Variants in NRXN3 observed in about 807,000 individuals in gnomAD.
NRXN3 encodes the protein neurexin III.
In NRXN3, 32 loss-of-function variants were observed where a neutral mutation model predicts 137.6. That is an observed-to-expected ratio of 0.23 (90% CI 0.18 to 0.31). The LOEUF (loss-of-function observed/expected upper bound fraction) is 0.31, where lower values mean the gene tolerates loss of function less well. Among genes scored for constraint, NRXN3 ranks in the 10% least tolerant of loss-of-function variants. NRXN3 has a pLI of 1.00. For synonymous variants in NRXN3, 798 were observed against 784.5 expected, an observed-to-expected ratio of 1.02 and a Z score of -0.29; for missense variants, 1,574 against 2,062.5, an observed-to-expected ratio of 0.76 and a Z score of 4.59.
intron 15 of NRXN3, among the ~76,000 whole-genome samples, chr14:79,330,737 C>T (rs2091555258): frequency 6.6e-6 from 1 of 152,162 alleles, no homozygotes; most frequent in Non-Finnish European, 1.5e-5. Flanking sequence ...GGCTCTAATA[C>T]CCTAATCACT....
intron 4 of NRXN3, among the ~76,000 whole-genome samples, chr14:78,392,132 T>C (rs541634585): frequency 5.9e-5 from 9 of 152,316 alleles, no homozygotes; most frequent in Admixed American, 1.3e-4. Context: ...AAATGCGGTT[T>C]GATAATAATC....
intron 15 of NRXN3, among the ~76,000 whole-genome samples, chr14:79,182,543 G>T (rs1425322267): frequency 6.6e-6 from 1 of 152,102 alleles, no homozygotes. Flanking sequence ...CCACTGATCT[G>T]ACAGGAGGCA....
At chr14:78,985,668 A>C (rs2099501490) in intron 14 of NRXN3, among the ~76,000 whole-genome samples, 1 of 152,246 alleles carries the variant, frequency 6.6e-6, no homozygotes, top group African/African-American at 2.4e-5. Flanking sequence ...TGCCTTTTAC[A>C]GTAAAACTTT....
intron 15 of NRXN3, among the ~76,000 whole-genome samples, chr14:79,234,769 T>C (rs2073082888): frequency 6.6e-6 from 1 of 152,084 alleles, no homozygotes; most frequent in Non-Finnish European, 1.5e-5. Context: ...CATCTTTTAA[T>C]ATTTTATTTA....
chr14:79,562,076 T>C (rs2097502987), intron 16 of NRXN3, among the ~76,000 whole-genome samples: 1 of 152,166 alleles, frequency 6.6e-6, no homozygotes, highest in South Asian at 2.1e-4. Flanking sequence ...GTCTGAAACA[T>C]ATATAAGTAT....
intron 15 of NRXN3, among the ~76,000 whole-genome samples, chr14:79,112,439 G>C (rs1596080033): frequency 6.6e-6 from 1 of 152,202 alleles, no homozygotes; most frequent in African/African-American, 2.4e-5. Flanking sequence ...CAAACAAATA[G>C]ACCCTTGTCT....
At chr14:79,845,038 T>C (rs1428420637) in intron 20 of NRXN3, among the ~76,000 whole-genome samples, 3 of 152,216 alleles carry the variant, frequency 2.0e-5, no homozygotes, top group East Asian at 1.9e-4. Context: ...TTTTATATTA[T>C]GAAGATGGCT....
chr14:78,174,132 A>AT lies in NRXN3; in HGVS notation c.-704+3466dup, dbSNP rs199958074. On this transcript the variant is annotated intron_variant, in intron 1 of 20. Coordinates refer to ENST00000335750, the MANE Select transcript of NRXN3 (RefSeq NM_001330195.2). ...GGAATGGGGGTAGATAACATTAATA[A>AT]TTTTTTTTGACCAAATAAGCACCCA... Among the ~76,000 whole-genome samples, 516 of 152,016 alleles carry AT rather than the reference A, an allele frequency of 3.4e-3. 3 individuals carry two copies. The highest frequency in any genetic ancestry group is 0.012 in the African/African-American group (478 of 41,456).
chr14:79,351,611 G>A (rs1008487637), intron 15 of NRXN3, among the ~76,000 whole-genome samples: 1 of 152,162 alleles, frequency 6.6e-6, no homozygotes, highest in Non-Finnish European at 1.5e-5. Context: ...CTACCTCACA[G>A]TGTTAATATT....
intron 15 of NRXN3, among the ~76,000 whole-genome samples, chr14:79,068,793 G>A (rs2099683852): frequency 6.6e-6 from 1 of 152,022 alleles, no homozygotes; most frequent in South Asian, 2.1e-4. Context: ...CACAGTGAAT[G>A]GAAGTCTAAA....
chr14:78,385,881 C>T (rs1290910557), intron 4 of NRXN3, among the ~76,000 whole-genome samples: 1 of 152,156 alleles, frequency 6.6e-6, no homozygotes, highest in East Asian at 1.9e-4. Context: ...AATGTCAAGA[C>T]TGAACCTTTA....
chr14:78,554,097 C>T (rs765383705), intron 4 of NRXN3, among the ~76,000 whole-genome samples: 1 of 151,990 alleles, frequency 6.6e-6, no homozygotes, highest in Non-Finnish European at 1.5e-5. Context: ...AGTGACCAAG[C>T]CTTCATTTTC....
chr14:79,259,020 T>C (rs1463561213), intron 15 of NRXN3, among the ~76,000 whole-genome samples: 1 of 152,176 alleles, frequency 6.6e-6, no homozygotes, highest in African/African-American at 2.4e-5. Context: ...GGTCATGGGT[T>C]TTATTTTTTT....
At chr14:79,525,174 A>T (rs1425216810) in intron 16 of NRXN3, among the ~76,000 whole-genome samples, 1 of 152,116 alleles carries the variant, frequency 6.6e-6, no homozygotes, top group African/African-American at 2.4e-5. Flanking sequence ...GAGAAACAGG[A>T]GGGCAGGGGA....
chr14:78,275,642 T>C (rs2073468822), intron 2 of NRXN3, among the ~76,000 whole-genome samples: 1 of 152,142 alleles, frequency 6.6e-6, no homozygotes, highest in Non-Finnish European at 1.5e-5. Context: ...AAGACTCTCA[T>C]TGGTTGGGCT....
intron 4 of NRXN3, among the ~76,000 whole-genome samples, chr14:78,380,786 T>C (rs947503202): frequency 2.9e-5 from 2 of 69,790 alleles, no homozygotes; most frequent in Non-Finnish European, 5.2e-5. Context: ...TCAAATCTTA[T>C]CAAGTTTTTT....
intron 15 of NRXN3, among the ~76,000 whole-genome samples, chr14:79,454,552 C>T (rs989897640): frequency 6.6e-6 from 1 of 152,254 alleles, no homozygotes; most frequent in Non-Finnish European, 1.5e-5. Context: ...TATTATTTCC[C>T]AGCAGTTTGT....
chr14:78,540,501 T>C (rs371724783), intron 4 of NRXN3, among the ~76,000 whole-genome samples: 1 of 147,374 alleles, frequency 6.8e-6, no homozygotes, highest in East Asian at 2.2e-4. Context: ...ATTTTGAGCC[T>C]ATATGCATCT....
At chr14:78,531,439 G>A (rs1242362581) in intron 4 of NRXN3, among the ~76,000 whole-genome samples, 2 of 152,172 alleles carry the variant, frequency 1.3e-5, no homozygotes, top group South Asian at 2.1e-4. Context: ...TTGATGGAAG[G>A]GCAGGAGCTG....
Sources: allele counts gnomAD v4.1 joint callset (sites outside exome capture counted in the v4.1 genomes callset), GRCh38; gene constraint gnomAD v4.1.1; transcripts MANE v1.5; gene names NCBI Gene and HGNC (gene_info 2026-07-23, HGNC 2026-07-21).